Variants in CAPN12 observed in about 807,000 individuals in gnomAD.
CAPN12 encodes the protein calpain-12.
Under a neutral mutation model 95.0 loss-of-function variants are expected in CAPN12, and 107 were observed. The ratio of observed to expected loss-of-function variants is 1.13; its 90% confidence interval spans 0.96 to 1.32. The LOEUF (loss-of-function observed/expected upper bound fraction) is 1.32. CAPN12 is among the 40% of genes most tolerant of loss of function. The pLI is 0.00. For synonymous variants in CAPN12, 505 were observed against 415.5 expected (o/e 1.22, Z -2.62); for missense variants, 1,136 against 997.8 (o/e 1.14, Z -1.87).
Position 38,733,713 on chromosome 19 carries a change from C to A in CAPN12, c.1947G>T (p.Leu649=). 2.5e-6 allele frequency: 4 copies of A among 1,613,530 alleles called. No individual in the cohort carries two copies. The highest frequency in any genetic ancestry group is 3.4e-6 in the Non-Finnish European group (4 of 1,179,922). ...TMNSYELRLA[L]NAAGFHLNNQ... ...GGACCCTGTCCACACCTGCTGCATTCAGTGCCAGCCTCAGCTCGTAGGAGT... is the reference window on the plus strand; with the variant it reads ...GGACCCTGTCCACACCTGCTGCATTAAGTGCCAGCCTCAGCTCGTAGGAGT... Residue 649 remains leucine, a synonymous_variant, in exon 18 of 21, where the codon CTG becomes CTT. Coordinates refer to ENST00000328867, the MANE Select transcript of CAPN12 (RefSeq NM_144691.4).
chr19:38,743,008 A>C (rs755227304), intron 2 of CAPN12, 25 bp downstream of exon 2: 32 of 1,610,772 alleles, frequency 2.0e-5, no homozygotes, highest in Middle Eastern at 1.7e-4. Flanking sequence ...GGATCTGAGG[A>C]CTCCAGGTGG....
rs1242836330 is a variant in CAPN12 at position 38,740,044 on chromosome 19, C to T, written c.729+7G>A. On this transcript the variant is annotated splice_region_variant and intron_variant, in intron 5 of 20. Coordinates refer to ENST00000328867, the MANE Select transcript of CAPN12 (RefSeq NM_144691.4). ...GGGGGTTCCGCATGCGAGTCCAGGT[C>T]TCTTACCAGGGCAGTGGCGCCCACG... The T allele has an allele frequency of 1.7e-5, 26 of 1,563,716 alleles. No individual in the cohort carries two copies. Among genetic ancestry groups the T allele is most frequent in the Non-Finnish European group, 2.2e-5 (25 of 1,154,132 alleles).
At position 38,731,087 on chromosome 19, in the gene CAPN12, C is replaced by G. The variant is rs1969558891; in HGVS notation, c.2074+20G>C. On this transcript the variant is annotated intron_variant, in intron 19 of 20. Transcript: ENST00000328867. ...CGTACCCCTTCCCCCCATGCCCCACCATGCCGGGGTGGTACTCACAGAAGA... is the reference window on the plus strand; with the variant it reads ...CGTACCCCTTCCCCCCATGCCCCACGATGCCGGGGTGGTACTCACAGAAGA... 1 of 1,496,688 alleles carries G rather than the reference C, an allele frequency of 6.7e-7. No individual in the cohort carries two copies. 92.7% of individuals were successfully genotyped at this position (1,496,688 alleles called of 1,614,324 possible). A position where few individuals can be genotyped will look rare whatever the true frequency, so the allele number is the denominator to read the frequency against.
chr19:38,732,386 C>T (rs1395940108), intron 18 of CAPN12, among the ~76,000 whole-genome samples: 1 of 152,140 alleles, frequency 6.6e-6, no homozygotes, highest in Non-Finnish European at 1.5e-5. Flanking sequence ...GGCTGGAGTA[C>T]AATGGCATGA....
chr19:38,736,142 C>T lies in CAPN12; in HGVS notation c.1551G>A (p.Leu517=), dbSNP rs1252908768. 2.0e-6 allele frequency: 3 copies of T among 1,513,986 alleles called. No homozygotes were observed. Among genetic ancestry groups the T allele is most frequent in the Non-Finnish European group, 1.8e-6 (2 of 1,134,380 alleles). 93.8% of individuals were successfully genotyped at this position (1,513,986 alleles called of 1,614,324 possible). A position where few individuals can be genotyped will look rare whatever the true frequency, so the allele number is the denominator to read the frequency against. ...AHAGDEADFT[L]RVFSERRHTA... ...TGTGGCGGCGCTCGGAGAAGACACG[C>T]AGAGTGAAGTCAGCCTCGTCGCCGG... Residue 517 remains leucine, a synonymous_variant, in exon 12 of 21, where the codon CTG becomes CTA. Coordinates refer to ENST00000328867, the MANE Select transcript of CAPN12 (RefSeq NM_144691.4).
At chr19:38,743,295 G>GTC (rs528571376) in intron 1 of CAPN12, among the ~76,000 whole-genome samples, 193 bp from the exon 2 acceptor site, 122 of 147,650 alleles carry the variant, frequency 8.3e-4, no homozygotes, top group African/African-American at 2.9e-3. Context: ...GGGAGTCCAG[G>GTC]CCCAGCCCCT....
At position 38,734,044 on chromosome 19, in the gene CAPN12, C is replaced by T. The variant is rs1969827949; in HGVS notation, c.1878+98G>A. The T allele has an allele frequency of 3.7e-6, 5 of 1,339,318 alleles. No homozygotes were observed. In the South Asian group the frequency reaches 4.0e-5, roughly 11 times the overall value. 83.0% of individuals were successfully genotyped at this position (1,339,318 alleles called of 1,614,324 possible). A position where few individuals can be genotyped will look rare whatever the true frequency, so the allele number is the denominator to read the frequency against. On this transcript the variant is annotated intron_variant, in intron 17 of 20. Coordinates refer to ENST00000328867, the MANE Select transcript of CAPN12 (RefSeq NM_144691.4). ...CTCCAAGTCAGCCTAGTCCAGTACCCCCTCGTTCCCTGGGGACCTGATAGC... is the reference window on the plus strand; with the variant it reads ...CTCCAAGTCAGCCTAGTCCAGTACCTCCTCGTTCCCTGGGGACCTGATAGC...
Position 38,742,492 on chromosome 19 carries a change from G to A in CAPN12, c.344C>T (p.Thr115Ile), listed in dbSNP as rs1179168899. 1.9e-6 allele frequency: 3 copies of A among 1,613,610 alleles called. No individual in the cohort carries two copies. The highest frequency in any genetic ancestry group is 2.2e-5 in the East Asian group (1 of 44,862). Residue 115 changes from threonine to isoleucine, a missense_variant, in exon 3 of 21, where the codon ACT becomes ATT. Coordinates refer to ENST00000328867, the MANE Select transcript of CAPN12 (RefSeq NM_144691.4). ...CWFLAAAASL[T>I]LYPRLLRRVV... is the part of the protein sequence containing the mutation. ...CCGGCGCAGGAGCCGGGGATACAGA[G>A]TAAGGGAGGCGGCAGCTGCAAGGAA...
intron 17 of CAPN12, 65 bp downstream of exon 17, chr19:38,734,077 G>T: frequency 1.3e-6 from 2 of 1,569,598 alleles, no homozygotes; most frequent in Non-Finnish European, 8.7e-7. Context: ...AGCCCACAGG[G>T]TGCCTATGTC....
Position 38,737,616 on chromosome 19 carries a change from G to A in CAPN12, c.988C>T (p.Leu330Phe). 2 of 1,607,180 alleles carry A rather than the reference G, an allele frequency of 1.2e-6. No individual in the cohort carries two copies. The highest frequency in any genetic ancestry group is 1.1e-5 in the South Asian group (1 of 90,516). The change falls in exon 9 of 21, where the codon CTC (leucine) becomes TTC (phenylalanine). Residue 330 changes from leucine to phenylalanine, a missense_variant. Coordinates refer to ENST00000328867, the MANE Select transcript of CAPN12 (RefSeq NM_144691.4). ...CAGATCTGCACGGTGTCGAAATGGA[G>A]GAGGAAGTCCCGCAGCTCCATCCTG... ...EFWMELRDFLLHFDTVQICSL... is the reference protein window; with the variant it reads ...EFWMELRDFLFHFDTVQICSL...
intron 18 of CAPN12, among the ~76,000 whole-genome samples, chr19:38,732,258 C>G (rs1274790010): frequency 2.0e-5 from 3 of 152,244 alleles, no homozygotes; most frequent in Non-Finnish European, 4.4e-5. Context: ...TCCGGCCCAG[C>G]CTCTCCCTCT....
Position 38,731,239 on chromosome 19 carries a change from T to G in CAPN12, c.1958-16A>C. The G allele has an allele frequency of 6.2e-7, 1 of 1,607,140 alleles. No homozygotes were observed. The highest frequency in any genetic ancestry group is 8.5e-7 in the Non-Finnish European group (1 of 1,175,792). ...AGGTGGAAGCCTAGGGGGAGGCTGCTTCTGAGCCCAGTGGCCCACAGGGAA... is the reference window on the plus strand; with the variant it reads ...AGGTGGAAGCCTAGGGGGAGGCTGCGTCTGAGCCCAGTGGCCCACAGGGAA... On this transcript the variant is annotated splice_polypyrimidine_tract_variant and intron_variant, in intron 18 of 20. Coordinates refer to ENST00000328867, the MANE Select transcript of CAPN12 (RefSeq NM_144691.4).
chr19:38,744,227 G>A lies in CAPN12; in HGVS notation c.-62C>T, dbSNP rs1970758794. 2.7e-6 allele frequency: 4 copies of A among 1,500,220 alleles called. No individual in the cohort carries two copies. Among genetic ancestry groups the A allele is most frequent in the Non-Finnish European group, 2.8e-6 (3 of 1,083,076 alleles). The allele number at this position is 1,500,220 out of a possible 1,614,324, so 92.9% of individuals were successfully genotyped here. A position where few individuals can be genotyped will look rare whatever the true frequency, so the allele number is the denominator to read the frequency against. On this transcript the variant is annotated 5_prime_UTR_variant, in exon 1 of 21. Coordinates refer to ENST00000328867, the MANE Select transcript of CAPN12 (RefSeq NM_144691.4). ...TAACCTCCTGAGTCACGGGGGCGGGGCCTCTCTTCCATTGGAGCCCCAGTG... is the reference window on the plus strand; with the variant it reads ...TAACCTCCTGAGTCACGGGGGCGGGACCTCTCTTCCATTGGAGCCCCAGTG...
rs1202093647 is a variant in CAPN12 at position 38,730,430 on chromosome 19, CTTT to C, written c.*419_*421del. ...TGGTTGATGGTTTTGCTCCCCCTACCTTTTTTTTTTGAGTTTATTCTGATTGAT... is the reference window on the plus strand; with the variant it reads ...TGGTTGATGGTTTTGCTCCCCCTACCTTTTTTTGAGTTTATTCTGATTGAT... On this transcript the variant is annotated 3_prime_UTR_variant, in exon 21 of 21. Coordinates refer to ENST00000328867, the MANE Select transcript of CAPN12 (RefSeq NM_144691.4). 2 of 175,920 alleles carry C rather than the reference CTTT, an allele frequency of 1.1e-5. No homozygotes were observed. The highest frequency in any genetic ancestry group is 2.4e-5 in the Non-Finnish European group (2 of 83,082). 10.9% of individuals were successfully genotyped at this position (175,920 alleles called of 1,614,324 possible). A position where few individuals can be genotyped will look rare whatever the true frequency, so the allele number is the denominator to read the frequency against.
In CAPN12 at chr19:38,738,396, A is replaced by T. The variant is rs1478888845; in HGVS notation, c.890+22T>A. 5 of 1,610,116 alleles carry T rather than the reference A, an allele frequency of 3.1e-6. No individual in the cohort carries two copies. The South Asian group carries it at 5.5e-5, about 18-fold the overall frequency. ...GCGGGCAGGTGGGGTCCAGCCCCAC[A>T]CCCACCCCAGACCCATCCCACCTGT... is the stretch of plus-strand genomic sequence containing the variant. On this transcript the variant is annotated intron_variant, in intron 7 of 20. Coordinates refer to ENST00000328867, the MANE Select transcript of CAPN12 (RefSeq NM_144691.4).
chr19:38,744,267 TGAG>T lies in CAPN12; in HGVS notation c.-105_-103del. Reference sequence around the variant, plus strand: ...GAGCCCCAGTGGGGTCTTTAGGCAATGAGGAGCCTTCCCTCGTTAATATTAATT... The same window carrying T: ...GAGCCCCAGTGGGGTCTTTAGGCAATGAGCCTTCCCTCGTTAATATTAATT... On this transcript the variant is annotated 5_prime_UTR_variant, in exon 1 of 21. Coordinates refer to ENST00000328867, the MANE Select transcript of CAPN12 (RefSeq NM_144691.4). The T allele has an allele frequency of 9.4e-7, 1 of 1,068,286 alleles. No homozygotes were observed. Among genetic ancestry groups the T allele is most frequent in the Admixed American group, 1.8e-5 (1 of 55,516 alleles). The allele number at this position is 1,068,286 out of a possible 1,614,324, so 66.2% of individuals were successfully genotyped here. A position where few individuals can be genotyped will look rare whatever the true frequency, so the allele number is the denominator to read the frequency against.
Position 38,730,512 on chromosome 19 carries a change from T to A in CAPN12, c.*340A>T, listed in dbSNP as rs972355699. 1 of 358,858 alleles carries A rather than the reference T, an allele frequency of 2.8e-6. No individual in the cohort carries two copies. The highest frequency in any genetic ancestry group is 2.1e-5 in the African/African-American group (1 of 48,532). 22.2% of individuals were successfully genotyped at this position (358,858 alleles called of 1,614,324 possible). On this transcript the variant is annotated 3_prime_UTR_variant, in exon 21 of 21. Coordinates refer to ENST00000328867, the MANE Select transcript of CAPN12 (RefSeq NM_144691.4). ...CCTCTGGGGACAGGATAATAAAACA[T>A]GTAATATTTTTAAGAAGGATTCCTG...
chr19:38,743,319 CA>C (rs1568328959), intron 1 of CAPN12, among the ~76,000 whole-genome samples: 102 of 148,098 alleles, frequency 6.9e-4, no homozygotes, highest in Non-Finnish European at 8.7e-4. Flanking sequence ...CCCTCAGACC[CA>C]GGAGTCCATG....
chr19:38,744,066 C>T lies in CAPN12; in HGVS notation c.100G>A (p.Ala34Thr). The T allele has an allele frequency of 6.2e-7, 1 of 1,614,224 alleles. No homozygotes were observed. The highest frequency in any genetic ancestry group is 1.1e-5 in the South Asian group (1 of 91,082). The change falls in exon 1 of 21, where the codon GCA becomes ACA. Residue 34 changes from alanine (A) to threonine (T), a missense_variant. By Grantham distance (58) the Ala-to-Thr change is moderately conservative. Transcript: ENST00000328867. ...GAATCCAGGCAGGCTGCCCGAATTG[C>T]CTCATAGCTCTGGCCCCGAAAAAGC... ...LQLFRGQSYEAIRAACLDSGI... is the reference protein window; with the variant it reads ...LQLFRGQSYETIRAACLDSGI...
Sources: gnomAD v4.1 joint callset for allele counts (sites outside exome capture counted in the v4.1 genomes callset) on GRCh38, gnomAD v4.1.1 for gene constraint, MANE v1.5 for transcripts, NCBI Gene and HGNC (gene_info 2026-07-23, HGNC 2026-07-21) for gene names.